Variants in ERP44 observed in about 807,000 individuals in gnomAD.
ERP44 encodes endoplasmic reticulum protein 44.
Under a neutral mutation model 53.4 loss-of-function variants are expected in ERP44, and 25 were observed. That is an observed-to-expected ratio of 0.47 (90% CI 0.34 to 0.65). The LOEUF (loss-of-function observed/expected upper bound fraction) is 0.65, where lower values mean the gene tolerates loss of function less well. ERP44 is among the 30% of genes least tolerant of loss of function. ERP44 has a pLI of 0.01. For synonymous variants in ERP44, 145 were observed against 161.2 expected, an observed-to-expected ratio of 0.90 and a Z score of 0.76; for missense variants, 338 against 493.2, an observed-to-expected ratio of 0.69 and a Z score of 2.98.
intron 4 of ERP44, among the ~76,000 whole-genome samples, chr9:100,041,653 C>T (rs1271313815): frequency 6.6e-6 from 1 of 152,010 alleles, no homozygotes; most frequent in Non-Finnish European, 1.5e-5. Context: ...CGCGACAGAG[C>T]AAGATTCCGA....
intron 4 of ERP44, 117 bp from the exon 5 acceptor site, chr9:100,022,343 T>C: frequency 1.5e-6 from 1 of 665,392 alleles, no homozygotes; most frequent in Non-Finnish European, 2.4e-6. Context: ...AGTCATTGTT[T>C]TTCAGTGAGA....
At chr9:100,029,717 C>G (rs1008485684) in intron 4 of ERP44, among the ~76,000 whole-genome samples, 2 of 152,156 alleles carry the variant, frequency 1.3e-5, no homozygotes, top group Admixed American at 1.3e-4. Flanking sequence ...ATATCTGCAC[C>G]ACCGTGTTTA....
chr9:100,020,137 A>G (rs1587964887), intron 6 of ERP44, among the ~76,000 whole-genome samples: 1 of 152,206 alleles, frequency 6.6e-6, no homozygotes, highest in African/African-American at 2.4e-5. Context: ...TTTGAAGGAC[A>G]CCAGTTACAA....
intron 1 of ERP44, among the ~76,000 whole-genome samples, chr9:100,062,177 A>T (rs1330273210): frequency 6.6e-6 from 1 of 152,230 alleles, no homozygotes; most frequent in Non-Finnish European, 1.5e-5. Flanking sequence ...ATGTCTGTAC[A>T]TCAACCTATG....
intron 10 of ERP44, among the ~76,000 whole-genome samples, chr9:99,985,307 A>G (rs1240054608): frequency 1.3e-5 from 2 of 152,202 alleles, no homozygotes; most frequent in African/African-American, 4.8e-5. Flanking sequence ...CTTATCATTA[A>G]GGCACATTAT....
At chr9:99,982,779 G>A in intron 11 of ERP44, 66 bp from the exon 12 acceptor site, 3 of 990,842 alleles carry the variant, frequency 3.0e-6, no homozygotes, top group Non-Finnish European at 2.9e-6. Flanking sequence ...ATTTTAATAA[G>A]TGTATTCGAT....
At chr9:99,998,718 A>G (rs1830342845) in intron 10 of ERP44, 7 of 723,770 alleles carry the variant, frequency 9.7e-6, no homozygotes, top group Admixed American at 4.4e-5. Flanking sequence ...GGTTTATCTC[A>G]TTTTTTGCAT....
chr9:100,006,832 G>A (rs1830429374), intron 9 of ERP44, among the ~76,000 whole-genome samples, 185 bp from the exon 10 acceptor site: 1 of 152,118 alleles, frequency 6.6e-6, no homozygotes, highest in African/African-American at 2.4e-5. Context: ...TTAGTTCTTA[G>A]GGCACAGAGT....
Position 100,006,564 on chromosome 9 carries a change from C to T in ERP44, c.958G>A (p.Val320Ile). ...HIQKTPADCP[V>I]IAIDSFRHMY... The stretch of plus-strand genomic sequence containing the variant: ...TGCCTAAAGCTGTCAATAGCGATTA[C>T]AGGACAATCTGCTGGAGTTTTCTGT... Residue 320 changes from valine to isoleucine, a missense_variant, in exon 10 of 12, where the codon GTA becomes ATA. Physicochemically the swap from Val to Ile is conservative, Grantham distance 29 (BLOSUM62 3). Transcript: ENST00000262455. 1.2e-6 allele frequency: 2 copies of T among 1,610,948 alleles called. No homozygotes were observed. Among genetic ancestry groups the T allele is most frequent in the South Asian group, 1.1e-5 (1 of 90,736 alleles).
intron 1 of ERP44, among the ~76,000 whole-genome samples, chr9:100,061,948 C>T (rs1250519385): frequency 6.6e-6 from 1 of 152,160 alleles, no homozygotes; most frequent in Non-Finnish European, 1.5e-5. Context: ...AAAAAGGTCT[C>T]CCTGACCTTC....
At chr9:100,026,117 T>A (rs1021656053) in intron 4 of ERP44, among the ~76,000 whole-genome samples, 8 of 152,352 alleles carry the variant, frequency 5.3e-5, no homozygotes, top group African/African-American at 1.9e-4. Context: ...AAGCCTGCAG[T>A]TGCAGATTTA....
intron 10 of ERP44, among the ~76,000 whole-genome samples, chr9:100,002,187 T>A (rs1830384941): frequency 6.6e-6 from 1 of 152,020 alleles, no homozygotes; most frequent in South Asian, 2.1e-4. Flanking sequence ...ATTTCTGGTG[T>A]CATAATTTAC....
At position 100,016,596 on chromosome 9, in the gene ERP44, G is replaced by C. The variant is rs150274631; in HGVS notation, c.646-158C>G. On this transcript the variant is annotated intron_variant, in intron 7 of 11. Transcript: ENST00000262455. ...GGCTCACTGCAGCCTTGACCTCCTG[G>C]GCTCAAGCAATTCTCTTACCTCAGC... Among the ~76,000 whole-genome samples, 314 of 152,174 alleles carry C rather than the reference G, an allele frequency of 2.1e-3. 1 individual carries two copies. Among genetic ancestry groups the C allele is most frequent in the African/African-American group, 7.2e-3 (300 of 41,510 alleles).
chr9:100,088,001 T>C (rs965448402), intron 1 of ERP44, among the ~76,000 whole-genome samples: 2 of 151,662 alleles, frequency 1.3e-5, no homozygotes, highest in Non-Finnish European at 2.9e-5. Context: ...TTTAAGTTAC[T>C]ACAACAGTAT....
chr9:100,007,774 A>C, intron 8 of ERP44, 85 bp from the exon 9 acceptor site: 2 of 779,046 alleles, frequency 2.6e-6, no homozygotes, highest in Non-Finnish European at 4.5e-6. Flanking sequence ...TTTTGAACCC[A>C]ACCCATGTAA....
At chr9:100,067,633 C>T (rs1172225168) in intron 1 of ERP44, among the ~76,000 whole-genome samples, 6 of 152,204 alleles carry the variant, frequency 3.9e-5, no homozygotes, top group African/African-American at 1.4e-4. Context: ...AAGTGAGGAG[C>T]GTCTCTGCCT....
chr9:100,056,878 G>A (rs1312748640), intron 3 of ERP44, among the ~76,000 whole-genome samples: 2 of 152,104 alleles, frequency 1.3e-5, no homozygotes, highest in African/African-American at 4.8e-5. Context: ...GGGGCCTTCT[G>A]GGTCAAAGTA....
chr9:99,985,249 AG>A (rs1830184176), intron 10 of ERP44, among the ~76,000 whole-genome samples, 180 bp from the exon 11 acceptor site: 1 of 152,198 alleles, frequency 6.6e-6, no homozygotes, highest in African/African-American at 2.4e-5. Flanking sequence ...CCAGATACTC[AG>A]TTTTGTATTC....
chr9:100,037,278 G>C (rs987477988), intron 4 of ERP44, among the ~76,000 whole-genome samples: 13 of 152,144 alleles, frequency 8.5e-5, no homozygotes, highest in Non-Finnish European at 1.2e-4. Flanking sequence ...CACACATGGA[G>C]GGAGTATTTA....
Sources: allele counts gnomAD v4.1 joint callset (sites outside exome capture counted in the v4.1 genomes callset), GRCh38; gene constraint gnomAD v4.1.1; transcripts MANE v1.5; gene names NCBI Gene and HGNC (gene_info 2026-07-23, HGNC 2026-07-21).